The following STX8 variants were observed in gnomAD, a reference collection of about 807,000 sequenced individuals.
STX8 encodes syntaxin 8.
Under a neutral mutation model 37.5 loss-of-function variants are expected in STX8, and 23 were observed. The observed-to-expected ratio is 0.61, with a 90% CI of 0.44 to 0.87. The LOEUF (loss-of-function observed/expected upper bound fraction) is 0.87, where lower values mean the gene tolerates loss of function less well. STX8 is among the 40% of genes least tolerant of loss of function. The pLI is 0.00. For missense variants in STX8, 313 were observed against 284.7 expected, an observed-to-expected ratio of 1.10 and a Z score of -0.71; for synonymous variants, 115 against 99.1, an observed-to-expected ratio of 1.16 and a Z score of -0.95.
intron 3 of STX8, chr17:9,548,594 A>G (rs1053341837): frequency 6.6e-6 from 1 of 152,258 alleles, no homozygotes; most frequent in Non-Finnish European, 1.5e-5. Flanking sequence ...GGAAATATCA[A>G]TAAGTAACTA....
At chr17:9,551,882 C>A (rs991263669) in intron 3 of STX8, among the ~76,000 whole-genome samples, 1 of 148,234 alleles carries the variant, frequency 6.7e-6, no homozygotes, top group Non-Finnish European at 1.5e-5. Context: ...GTAATATGTC[C>A]AAAAAAACTA....
intron 5 of STX8, among the ~76,000 whole-genome samples, chr17:9,493,636 C>T (rs1475312197): frequency 6.6e-6 from 1 of 152,204 alleles, no homozygotes; most frequent in Non-Finnish European, 1.5e-5. Context: ...TTCTCTTAGC[C>T]CTAGGGGCGT....
intron 7 of STX8, among the ~76,000 whole-genome samples, chr17:9,353,165 C>T (rs955414072): frequency 2.6e-5 from 4 of 152,168 alleles, no homozygotes; most frequent in African/African-American, 9.7e-5. Context: ...TCCCAAAGTG[C>T]TGGGATTACA....
chr17:9,404,400 T>A (rs1912736276), intron 6 of STX8, among the ~76,000 whole-genome samples: 1 of 152,216 alleles, frequency 6.6e-6, no homozygotes, highest in Non-Finnish European at 1.5e-5. Flanking sequence ...TTCCACTGTT[T>A]GCTTTAGTTT....
intron 6 of STX8, among the ~76,000 whole-genome samples, chr17:9,475,811 A>G (rs16958324): frequency 0.27 from 40,375 of 152,166 alleles, 5,595 homozygotes; most frequent in South Asian, 0.36. Flanking sequence ...GCCGACTGGC[A>G]TATCTTGCCC....
intron 6 of STX8, among the ~76,000 whole-genome samples, chr17:9,487,740 C>G (rs1013922964): frequency 1.3e-5 from 2 of 152,198 alleles, no homozygotes; most frequent in South Asian, 2.1e-4. Context: ...GTGGGGGAAG[C>G]AGCAAAAGGG....
intron 7 of STX8, among the ~76,000 whole-genome samples, chr17:9,335,136 T>C (rs1250799611): frequency 6.6e-6 from 1 of 152,154 alleles, no homozygotes; most frequent in Non-Finnish European, 1.5e-5. Context: ...CTCTTTAAAA[T>C]AGCCAATCGG....
intron 7 of STX8, among the ~76,000 whole-genome samples, chr17:9,284,696 G>C (rs1464122885): frequency 1.3e-5 from 2 of 152,118 alleles, no homozygotes; most frequent in African/African-American, 2.4e-5. Context: ...TAAGTTTAAA[G>C]TTTCCTCTAG....
At chr17:9,497,305 G>A (rs1157275580) in intron 5 of STX8, among the ~76,000 whole-genome samples, 1 of 152,214 alleles carries the variant, frequency 6.6e-6, no homozygotes, top group Non-Finnish European at 1.5e-5. Context: ...AAACTTGAAT[G>A]CTGAGTATTT....
At chr17:9,272,005 C>A (rs529421282) in intron 7 of STX8, among the ~76,000 whole-genome samples, 1 of 152,164 alleles carries the variant, frequency 6.6e-6, no homozygotes, top group African/African-American at 2.4e-5. Context: ...CAGTGACTGT[C>A]CCTGCTGATG....
In STX8 at chr17:9,287,751, C is replaced by T. The variant is rs116538124; in HGVS notation, c.644-37106G>A. On this transcript the variant is annotated intron_variant, in intron 7 of 7. Transcript: ENST00000306357. Reference sequence around the variant, plus strand: ...TATAGAACTTTCATATGTCTTTTTACATTCTTTTTTTTTTGTTTTGAGATG... The same window carrying T: ...TATAGAACTTTCATATGTCTTTTTATATTCTTTTTTTTTTGTTTTGAGATG... Among the ~76,000 whole-genome samples the T allele has an allele frequency of 4.7e-3, 711 of 152,056 alleles. 6 individuals are homozygous for T. The highest frequency in any genetic ancestry group is 0.016 in the African/African-American group (676 of 41,492).
chr17:9,456,180 A>C (rs933912353), intron 6 of STX8, among the ~76,000 whole-genome samples: 12 of 152,090 alleles, frequency 7.9e-5, no homozygotes, highest in African/African-American at 2.9e-4. Context: ...CTATTTTCCC[A>C]CGGAAATGAA....
intron 7 of STX8, among the ~76,000 whole-genome samples, chr17:9,300,019 T>C (rs1476200383): frequency 3.3e-5 from 5 of 152,172 alleles, no homozygotes; most frequent in African/African-American, 1.2e-4. Flanking sequence ...CCAGTGTTTA[T>C]AAATTTCTGG....
At chr17:9,383,578 GTCTAT>G (rs1449076822) in intron 6 of STX8, among the ~76,000 whole-genome samples, 13 of 152,148 alleles carry the variant, frequency 8.5e-5, no homozygotes, top group Non-Finnish European at 1.5e-5. Flanking sequence ...AGGCTATGAC[GTCTAT>G]TCTGACAGCA....
At chr17:9,374,386 G>C (rs9894724) in intron 7 of STX8, among the ~76,000 whole-genome samples, 7 of 151,936 alleles carry the variant, frequency 4.6e-5, no homozygotes, top group African/African-American at 1.7e-4. Context: ...CCAGCCAAAA[G>C]AAATTTTTTT....
At chr17:9,449,486 G>A (rs528089465) in intron 6 of STX8, among the ~76,000 whole-genome samples, 9 of 152,298 alleles carry the variant, frequency 5.9e-5, no homozygotes, top group Non-Finnish European at 1.0e-4. Flanking sequence ...CGTGAACCCC[G>A]GGGGACGGAG....
chr17:9,371,658 G>A (rs1250779797), intron 7 of STX8, among the ~76,000 whole-genome samples: 5 of 148,954 alleles, frequency 3.4e-5, no homozygotes, highest in Admixed American at 2.0e-4. Context: ...TCTTTCTTCT[G>A]GTTTGTCCTC....
chr17:9,326,534 C>T (rs996670174), intron 7 of STX8, among the ~76,000 whole-genome samples: 1 of 152,312 alleles, frequency 6.6e-6, no homozygotes, highest in African/African-American at 2.4e-5. Context: ...GAGATGGTTT[C>T]TGTTGCTCAT....
At chr17:9,546,259 G>C (rs920243151) in intron 3 of STX8, among the ~76,000 whole-genome samples, 2 of 152,216 alleles carry the variant, frequency 1.3e-5, no homozygotes, top group East Asian at 1.9e-4. Flanking sequence ...CCCAGAGGCA[G>C]AGTTGTAGCC....
Sources: gnomAD v4.1 joint callset for allele counts (sites outside exome capture counted in the v4.1 genomes callset) on GRCh38, gnomAD v4.1.1 for gene constraint, MANE v1.5 for transcripts, NCBI Gene and HGNC (gene_info 2026-07-23, HGNC 2026-07-21) for gene names.